The following CUZD1 variants were observed in gnomAD, a reference collection of about 807,000 sequenced individuals.
CUZD1 encodes CUB and zona pellucida-like domain-containing protein 1.
Under a neutral mutation model 53.1 loss-of-function variants are expected in CUZD1, and 42 were observed. The ratio of observed to expected loss-of-function variants is 0.79; its 90% CI spans 0.62 to 1.02. CUZD1 has a LOEUF of 1.02. CUZD1 is among the 50% of genes least tolerant of loss of function. The pLI is 0.00. For missense variants in CUZD1, 670 were observed against 715.7 expected, an observed-to-expected ratio of 0.94 and a Z score of 0.73; for synonymous variants, 238 against 257.2, an observed-to-expected ratio of 0.93 and a Z score of 0.71.
intron 1 of CUZD1, 42 bp from the exon 2 acceptor site, chr10:122,841,370 C>T (rs1159095953): frequency 6.5e-7 from 1 of 1,541,902 alleles, no homozygotes; most frequent in Admixed American, 2.0e-5. Context: ...GTCAACAGGC[C>T]CTTTCCCCTC....
intron 1 of CUZD1, among the ~76,000 whole-genome samples, chr10:122,843,902 G>A (rs1195914398): frequency 2.8e-5 from 4 of 144,466 alleles, no homozygotes; most frequent in African/African-American, 1.0e-4. Flanking sequence ...TATATATATT[G>A]TTAGATATAT....
At chr10:122,844,202 T>C (rs900417007) in intron 1 of CUZD1, among the ~76,000 whole-genome samples, 2 of 150,926 alleles carry the variant, frequency 1.3e-5, no homozygotes, top group African/African-American at 4.9e-5. Flanking sequence ...CTAAAAAAAT[T>C]TTTTTTTTAA....
Position 122,832,158 on chromosome 10 carries a change from T to C in CUZD1, c.*120A>G, listed in dbSNP as rs1847171531. Reference sequence around the variant, plus strand: ...AATGAAACACACCGACACAGTGACATGCAGGCCTGTGTGTCACTTTCAGGC... The same window carrying C: ...AATGAAACACACCGACACAGTGACACGCAGGCCTGTGTGTCACTTTCAGGC... On this transcript the variant is annotated 3_prime_UTR_variant, in exon 9 of 9. Transcript: ENST00000392790. 1 of 897,556 alleles carries C rather than the reference T, an allele frequency of 1.1e-6. No individual in the cohort carries two copies. The highest frequency in any genetic ancestry group is 1.8e-6 in the Non-Finnish European group (1 of 563,572). The allele number at this position is 897,556 out of a possible 1,614,324, so 55.6% of individuals were successfully genotyped here.
intron 3 of CUZD1, 104 bp downstream of exon 3, chr10:122,838,913 T>G (rs1190536890): frequency 1.1e-5 from 9 of 831,484 alleles, no homozygotes; most frequent in Non-Finnish European, 1.8e-5. Context: ...GAGAAGACTC[T>G]GAGGGAATAT....
At chr10:122,837,235 T>C (rs747426925) in intron 4 of CUZD1, among the ~76,000 whole-genome samples, 169 bp downstream of exon 4, 1 of 151,998 alleles carries the variant, frequency 6.6e-6, no homozygotes, top group Non-Finnish European at 1.5e-5. Context: ...TTCAGAAAAA[T>C]AGTCAACTTA....
At chr10:122,838,969 C>G in intron 3 of CUZD1, 48 bp downstream of exon 3, 1 of 1,402,154 alleles carries the variant, frequency 7.1e-7, no homozygotes, top group South Asian at 1.2e-5. Flanking sequence ...AGTGTGTAAC[C>G]TGTGCTTGTA....
chr10:122,836,840 T>C lies in CUZD1; in HGVS notation c.808A>G (p.Ile270Val), dbSNP rs1022628151. The change falls in exon 5 of 9, where the codon ATC (isoleucine) becomes GTC (valine). Residue 270 changes from isoleucine (I) to valine (V), a missense_variant. Physicochemically the swap from Ile to Val is conservative, Grantham distance 29. Transcript: ENST00000392790. The stretch of plus-strand genomic sequence containing the variant: ...ATAAAACATGACTTACTAGTGTTGA[T>C]GTTTTCTGCATAAATTGAGGTGTAG... ...ASYTSIYAEN[I>V]NTTSLTCSSD... 3 of 1,610,594 alleles carry C rather than the reference T, an allele frequency of 1.9e-6. No individual in the cohort carries two copies. The highest frequency in any genetic ancestry group is 2.5e-6 in the Non-Finnish European group (3 of 1,176,868).
intron 7 of CUZD1, 47 bp downstream of exon 7, chr10:122,834,659 T>C: frequency 7.0e-7 from 1 of 1,433,618 alleles, no homozygotes; most frequent in South Asian, 1.7e-5. Flanking sequence ...AAATTATTAT[T>C]CCACAGGAAG....
intron 3 of CUZD1, 102 bp from the exon 4 acceptor site, chr10:122,837,656 T>G (rs1387670350): frequency 2.7e-5 from 31 of 1,145,104 alleles, no homozygotes; most frequent in Non-Finnish European, 3.3e-5. Flanking sequence ...CTGAGTATGA[T>G]TCCATCTCTA....
chr10:122,836,046 T>A, intron 6 of CUZD1, 132 bp downstream of exon 6: 1 of 705,592 alleles, frequency 1.4e-6, no homozygotes, highest in Non-Finnish European at 2.3e-6. Context: ...TGTCTTCACA[T>A]GCTTATCATG....
Position 122,833,693 on chromosome 10 carries a change from G to A in CUZD1, c.1630C>T (p.Arg544Ter), listed in dbSNP as rs142209822. 14 of 1,613,138 alleles carry A rather than the reference G, an allele frequency of 8.7e-6. No individual in the cohort carries two copies. In the African/African-American group the frequency reaches 1.3e-4, roughly 15 times the overall value. Residue 544 changes from arginine to a stop codon, truncating the protein, a stop_gained, in exon 8 of 9, where the codon CGA becomes TGA. Transcript: ENST00000392790. LOFTEE classifies it low-confidence loss of function (END_TRUNC). ...TTACCTGAATTGCCACTTGCACTTCGATCCCTTTTCAGACGAATGGGTCCT... is the reference window on the plus strand; with the variant it reads ...TTACCTGAATTGCCACTTGCACTTCAATCCCTTTTCAGACGAATGGGTCCT... ...IIGPIRLKRD[R>*]SASGNSGFQH...
At chr10:122,843,982 G>A (rs894870891) in intron 1 of CUZD1, among the ~76,000 whole-genome samples, 36 of 147,292 alleles carry the variant, frequency 2.4e-4, no homozygotes, top group African/African-American at 7.9e-4. Context: ...ACTATATATA[G>A]ACTATAGAGA....
chr10:122,839,676 G>T (rs1340014665), intron 2 of CUZD1, among the ~76,000 whole-genome samples: 1 of 152,142 alleles, frequency 6.6e-6, no homozygotes, highest in Non-Finnish European at 1.5e-5. Flanking sequence ...CACCTCCCTA[G>T]TTGCTCCTTC....
At chr10:122,840,066 T>C (rs918750692) in intron 2 of CUZD1, among the ~76,000 whole-genome samples, 13 of 152,324 alleles carry the variant, frequency 8.5e-5, no homozygotes, top group Middle Eastern at 3.4e-3. Context: ...ATTTCTCGCC[T>C]CCCTTGCTCT....
At chr10:122,840,693 T>C (rs1286146608) in intron 2 of CUZD1, among the ~76,000 whole-genome samples, 1 of 152,122 alleles carries the variant, frequency 6.6e-6, no homozygotes, top group African/African-American at 2.4e-5. Context: ...TATTTCAAAA[T>C]AAAATCTATA....
chr10:122,836,294 C>G lies in CUZD1; in HGVS notation c.874G>C (p.Glu292Gln), dbSNP rs771478423. The G allele has an allele frequency of 4.4e-6, 7 of 1,608,654 alleles. No homozygotes were observed. Among genetic ancestry groups the G allele is most frequent in the Non-Finnish European group, 5.1e-6 (6 of 1,178,440 alleles). ...MRVIISKSYL[E>Q]AFNSNGNNLQ... ...TTATTCCCATTAGAGTTAAAAGCCT[C>G]TAGGTAGGATTTGCTTATAATAACT... is the stretch of plus-strand genomic sequence containing the variant. The change falls in exon 6 of 9, where the codon GAG becomes CAG. Residue 292 changes from glutamate (E) to glutamine (Q), a missense_variant. By Grantham distance (29) the Glu-to-Gln change is conservative (BLOSUM62 2). Transcript: ENST00000392790.
At chr10:122,844,588 C>T (rs1847404349) in intron 1 of CUZD1, among the ~76,000 whole-genome samples, 1 of 152,126 alleles carries the variant, frequency 6.6e-6, no homozygotes, top group Non-Finnish European at 1.5e-5. Flanking sequence ...CGGTAAGGGG[C>T]TGGGCGTGGT....
chr10:122,832,231 T>C lies in CUZD1; in HGVS notation c.*47A>G. On this transcript the variant is annotated 3_prime_UTR_variant, in exon 9 of 9. Transcript: ENST00000392790. ...TGTGTAGCCACGAGGTAGCATTTCC[T>C]TTGGCATCCTGGAGAAACATGTCTC... The C allele has an allele frequency of 6.3e-7, 1 of 1,596,476 alleles. No homozygotes were observed. The highest frequency in any genetic ancestry group is 2.2e-5 in the East Asian group (1 of 44,670).
chr10:122,843,914 T>G (rs112904684), intron 1 of CUZD1, among the ~76,000 whole-genome samples: 1 of 146,110 alleles, frequency 6.8e-6, no homozygotes, highest in South Asian at 2.1e-4. Context: ...TAGATATATT[T>G]ATATATATAT....
Sources: gnomAD v4.1 joint callset for allele counts (sites outside exome capture counted in the v4.1 genomes callset) on GRCh38, gnomAD v4.1.1 for gene constraint, MANE v1.5 for transcripts, NCBI Gene and HGNC (gene_info 2026-07-23, HGNC 2026-07-21) for gene names.